Variants in DTNA observed in about 807,000 individuals in gnomAD.
The protein encoded by DTNA is dystrobrevin alpha, also known as dystrophin-related protein 3.
DTNA carries 43 observed loss-of-function variants against 100.7 expected under a neutral mutation model. The ratio of observed to expected loss-of-function variants is 0.43; its 90% CI spans 0.33 to 0.55. The LOEUF (loss-of-function observed/expected upper bound fraction) is 0.55. DTNA is among the 20% of genes least tolerant of loss of function. The pLI is 0.04. For synonymous variants in DTNA, 349 were observed against 347.9 expected (o/e 1.00, Z -0.04); for missense variants, 798 against 953.9 (o/e 0.84, Z 2.15).
Position 34,614,904 on chromosome 18 carries a change from A to G in DTNA, c.-2+121390A>G, listed in dbSNP as rs116473008. Reference sequence around the variant, plus strand: ...TCGCTCCAATTTTGAAAGAAGTTCTACTTTGGGTAAAATGCTATAAAACAG... The same window carrying G: ...TCGCTCCAATTTTGAAAGAAGTTCTGCTTTGGGTAAAATGCTATAAAACAG... On this transcript the variant is annotated intron_variant, in intron 1 of 19. Transcript: ENST00000283365. 6.4e-3 allele frequency among the ~76,000 whole-genome samples: 978 copies of G among 152,334 alleles called. 7 individuals carry two copies. The highest frequency in any genetic ancestry group is 0.023 in the African/African-American group (940 of 41,576).
intron 16 of DTNA, among the ~76,000 whole-genome samples, chr18:34,860,300 C>G (rs1311077857): frequency 1.4e-5 from 2 of 143,186 alleles, no homozygotes; most frequent in African/African-American, 5.3e-5. Flanking sequence ...AACTCCTGAC[C>G]TCGTGATCCA....
intron 1 of DTNA, among the ~76,000 whole-genome samples, chr18:34,503,436 C>T (rs2040155512): frequency 6.6e-6 from 1 of 151,570 alleles, no homozygotes; most frequent in South Asian, 2.1e-4. Flanking sequence ...TACAGGTGCC[C>T]ACCATCACAC....
Position 34,888,386 on chromosome 18 carries a change from C to G in DTNA, c.*652C>G. 1 of 985,802 alleles carries G rather than the reference C, an allele frequency of 1.0e-6. No homozygotes were observed. The allele number at this position is 985,802 out of a possible 1,614,324, so 61.1% of individuals were successfully genotyped here. A position where few individuals can be genotyped will look rare whatever the true frequency, so the allele number is the denominator to read the frequency against. On this transcript the variant is annotated 3_prime_UTR_variant, in exon 23 of 23. Coordinates refer to ENST00000444659, the MANE Select transcript of DTNA (RefSeq NM_001386795.1). ...AGCCAAGAAGGGTCCTTGGCCTGCA[C>G]GGTCTGTAGTTGACTCCAAGTCTCT...
chr18:34,556,661 T>A (rs2046089093), intron 1 of DTNA, among the ~76,000 whole-genome samples: 2 of 152,094 alleles, frequency 1.3e-5, no homozygotes, highest in African/African-American at 4.8e-5. Flanking sequence ...AAATTCTGGG[T>A]TGAAAATTCT....
At chr18:34,694,576 A>G (rs1237374864) in intron 1 of DTNA, among the ~76,000 whole-genome samples, 1 of 152,214 alleles carries the variant, frequency 6.6e-6, no homozygotes, top group African/African-American at 2.4e-5. Flanking sequence ...ACAGTAGGCT[A>G]GAAATTTTAC....
At chr18:34,691,634 C>T (rs574227378) in intron 1 of DTNA, among the ~76,000 whole-genome samples, 13 of 152,304 alleles carry the variant, frequency 8.5e-5, no homozygotes, top group African/African-American at 3.1e-4. Flanking sequence ...CAATGGACCT[C>T]TTGGGTCTCA....
At chr18:34,642,680 T>C (rs1320353273) in intron 1 of DTNA, among the ~76,000 whole-genome samples, 1 of 152,028 alleles carries the variant, frequency 6.6e-6, no homozygotes, top group Non-Finnish European at 1.5e-5. Flanking sequence ...TGCCTTAGCC[T>C]CCCGAGTAGC....
intron 1 of DTNA, among the ~76,000 whole-genome samples, chr18:34,532,449 C>T (rs540365036): frequency 1.8e-4 from 27 of 152,150 alleles, no homozygotes; most frequent in African/African-American, 6.3e-4. Context: ...CAGTTGAGAT[C>T]ATTCTATGGA....
intron 1 of DTNA, among the ~76,000 whole-genome samples, chr18:34,744,183 A>G (rs1306186507): frequency 2.6e-5 from 4 of 152,202 alleles, no homozygotes; most frequent in Non-Finnish European, 4.4e-5. Context: ...ATTTCAAGGT[A>G]CATCTCAATG....
intron 1 of DTNA, among the ~76,000 whole-genome samples, chr18:34,549,441 A>G (rs1474213182): frequency 6.6e-6 from 1 of 151,970 alleles, no homozygotes; most frequent in East Asian, 1.9e-4. Context: ...AGAAATATCC[A>G]TCCTTTTTAA....
intron 3 of DTNA, 26 bp from the exon 4 acceptor site, chr18:34,794,011 A>G (rs1568543349): frequency 6.2e-7 from 1 of 1,609,788 alleles, no homozygotes; most frequent in Admixed American, 1.7e-5. Flanking sequence ...CTTTGGGCTG[A>G]TGTGTTAACT....
chr18:34,624,992 C>T (rs1244103800), intron 1 of DTNA, among the ~76,000 whole-genome samples: 1 of 152,024 alleles, frequency 6.6e-6, no homozygotes, highest in Non-Finnish European at 1.5e-5. Context: ...CCTCAGCCTC[C>T]TGAGTAGCTG....
intron 3 of DTNA, among the ~76,000 whole-genome samples, chr18:34,774,152 A>T (rs1273185221): frequency 6.6e-6 from 1 of 152,042 alleles, no homozygotes; most frequent in Non-Finnish European, 1.5e-5. Flanking sequence ...GGAAAGAGTG[A>T]TGCATACAGA....
chr18:34,790,567 A>ATTTTTTTT (rs1212453384), intron 3 of DTNA, among the ~76,000 whole-genome samples: 1 of 39,660 alleles, frequency 2.5e-5, no homozygotes, highest in Non-Finnish European at 4.5e-5. Flanking sequence ...ATATATATAT[A>ATTTTTTTT]TTTTTTTTTT....
At chr18:34,587,927 C>A (rs2049303998) in intron 1 of DTNA, among the ~76,000 whole-genome samples, 1 of 152,070 alleles carries the variant, frequency 6.6e-6, no homozygotes, top group Admixed American at 6.6e-5. Flanking sequence ...AATGGCTGGC[C>A]ACTTTACATT....
intron 1 of DTNA, among the ~76,000 whole-genome samples, chr18:34,685,953 G>A (rs764258178): frequency 2.0e-5 from 3 of 152,144 alleles, no homozygotes; most frequent in African/African-American, 4.8e-5. Flanking sequence ...TATTACTGGT[G>A]TATAGGAATG....
chr18:34,778,760 C>G (rs1466443649), intron 3 of DTNA, among the ~76,000 whole-genome samples: 14 of 152,046 alleles, frequency 9.2e-5, no homozygotes, highest in Admixed American at 9.2e-4. Context: ...CAAAACAACC[C>G]TATTTGTCAA....
intron 3 of DTNA, among the ~76,000 whole-genome samples, chr18:34,784,122 C>A (rs1254612084): frequency 2.6e-5 from 4 of 152,166 alleles, no homozygotes; most frequent in African/African-American, 9.7e-5. Context: ...TAGTTTGAGA[C>A]CCACTTATGG....
chr18:34,747,935 T>A (rs2091858762), intron 1 of DTNA, among the ~76,000 whole-genome samples: 1 of 152,206 alleles, frequency 6.6e-6, no homozygotes. Context: ...AGCAGCAGTG[T>A]AAAATTGTTC....
Sources: allele counts gnomAD v4.1 joint callset (sites outside exome capture counted in the v4.1 genomes callset), GRCh38; gene constraint gnomAD v4.1.1; transcripts MANE v1.5; gene names NCBI Gene and HGNC (gene_info 2026-07-23, HGNC 2026-07-21).